SNAP29: variants seen among roughly 807,000 people sequenced by gnomAD.
SNAP29 encodes synaptosomal-associated protein 29.
In SNAP29, 13 loss-of-function variants were observed where a neutral mutation model predicts 27.9. The observed-to-expected ratio is 0.47, with a 90% CI of 0.30 to 0.74. The LOEUF is 0.74. SNAP29 is among the 30% of genes least tolerant of loss of function. SNAP29 has a pLI of 0.06. For synonymous variants in SNAP29, 119 were observed against 127.1 expected, an observed-to-expected ratio of 0.94 and a Z score of 0.43; for missense variants, 368 against 336.5, an observed-to-expected ratio of 1.09 and a Z score of -0.73.
intron 4 of SNAP29, among the ~76,000 whole-genome samples, chr22:20,884,204 G>C (rs1465223379): frequency 6.6e-6 from 1 of 152,078 alleles, no homozygotes; most frequent in East Asian, 1.9e-4. Context: ...GTGGTGGCAG[G>C]CGCCTGTAAT....
At chr22:20,867,768 G>A (rs531316727) in intron 1 of SNAP29, among the ~76,000 whole-genome samples, 2 of 152,340 alleles carry the variant, frequency 1.3e-5, no homozygotes, top group Admixed American at 6.5e-5. Context: ...CAGACTCTGG[G>A]AGTTTGAGAG....
At position 20,871,482 on chromosome 22, in the gene SNAP29, T is replaced by TAAAAAAAAA. The variant is rs58294079; in HGVS notation, c.434+964_434+972dup. Among the ~76,000 whole-genome samples, 177 of 64,124 alleles carry TAAAAAAAAA rather than the reference T, an allele frequency of 2.8e-3. 5 individuals carry two copies. The highest frequency in any genetic ancestry group is 8.3e-3 in the African/African-American group (132 of 15,926). The allele number at this position is 64,124 out of a possible 152,430, so 42.1% of individuals were successfully genotyped here. On this transcript the variant is annotated intron_variant, in intron 2 of 4. Transcript: ENST00000215730. ...ATCAGTGACAGAGTCTCCCTGTCTCTAAAAAAAAAAAAAAAAAAAAAAAGA... is the reference window on the plus strand; with the variant it reads ...ATCAGTGACAGAGTCTCCCTGTCTCTAAAAAAAAAAAAAAAAAAAAAAAAAAAAAAAAGA...
intron 1 of SNAP29, among the ~76,000 whole-genome samples, chr22:20,869,859 C>T (rs937800104): frequency 6.6e-6 from 1 of 152,046 alleles, no homozygotes; most frequent in Non-Finnish European, 1.5e-5. Flanking sequence ...CAACCTCTGC[C>T]TTCAGGGTTG....
At chr22:20,872,515 C>T (rs1324613673) in intron 2 of SNAP29, among the ~76,000 whole-genome samples, 1 of 152,286 alleles carries the variant, frequency 6.6e-6, no homozygotes, top group Admixed American at 6.5e-5. Flanking sequence ...GTTCTCCTGC[C>T]TCAGCCTCCC....
intron 1 of SNAP29, among the ~76,000 whole-genome samples, chr22:20,864,488 G>A (rs1928411576): frequency 1.3e-5 from 2 of 152,056 alleles, no homozygotes; most frequent in African/African-American, 4.8e-5. Flanking sequence ...TTGCCAAAAG[G>A]TGATATCCTC....
In SNAP29 at chr22:20,874,690, G is replaced by GT. The variant is rs546510486; in HGVS notation, c.434+4164dup. Among the ~76,000 whole-genome samples, 16 of 151,948 alleles carry GT rather than the reference G, an allele frequency of 1.1e-4. No individual in the cohort carries two copies. The South Asian group carries it at 2.9e-3, about 28-fold the overall frequency. ...TAGCTAAGGTTATGAGGGTTGGTTGGTTTTTTTGGCTCAGCCATAATCACC... is the reference window on the plus strand; with the variant it reads ...TAGCTAAGGTTATGAGGGTTGGTTGGTTTTTTTTGGCTCAGCCATAATCACC... On this transcript the variant is annotated intron_variant, in intron 2 of 4. Transcript: ENST00000215730.
chr22:20,873,235 T>G (rs1453822474), intron 2 of SNAP29, among the ~76,000 whole-genome samples: 1 of 152,060 alleles, frequency 6.6e-6, no homozygotes, highest in African/African-American at 2.4e-5. Flanking sequence ...GGTCTTGAAC[T>G]CCTGGCCTCA....
Position 20,890,797 on chromosome 22 carries a change from T to C in SNAP29, c.*2961T>C, listed in dbSNP as rs165715. ...AAAAAAAAATAGTGCACTCTCTGGC[T>C]GGTCACGGTGGCTCACGCCTGTAAT... On this transcript the variant is annotated 3_prime_UTR_variant, in exon 5 of 5. Transcript: ENST00000215730. 0.39 allele frequency: 56,506 copies of C among 146,688 alleles called. 11,299 individuals are homozygous for C. Among genetic ancestry groups the C allele is most frequent in the East Asian group, 0.48 (2,386 of 4,942 alleles). The allele number at this position is 146,688 out of a possible 1,614,324, so 9.1% of individuals were successfully genotyped here. A position where few individuals can be genotyped will look rare whatever the true frequency, so the allele number is the denominator to read the frequency against.
In SNAP29 at chr22:20,881,019, G is replaced by A. The variant is rs776999528; in HGVS notation, c.435-30G>A. ...TCATAGGGGTTTTTCCTTTTTAAACGTTTTCTTTTTTGTGAACTTTTATCC... is the reference window on the plus strand; with the variant it reads ...TCATAGGGGTTTTTCCTTTTTAAACATTTTCTTTTTTGTGAACTTTTATCC... On this transcript the variant is annotated intron_variant, in intron 2 of 4. Coordinates refer to ENST00000215730, the MANE Select transcript of SNAP29 (RefSeq NM_004782.4). The A allele has an allele frequency of 3.6e-5, 53 of 1,455,446 alleles. 4 individuals are homozygous for A. The Middle Eastern group carries it at 6.4e-3, about 175-fold the overall frequency. The allele number at this position is 1,455,446 out of a possible 1,614,324, so 90.2% of individuals were successfully genotyped here.
At position 20,890,423 on chromosome 22, in the gene SNAP29, T is replaced by A; in HGVS notation, c.*2587T>A. On this transcript the variant is annotated 3_prime_UTR_variant, in exon 5 of 5. Coordinates refer to ENST00000215730, the MANE Select transcript of SNAP29 (RefSeq NM_004782.4). ...AAACTGTGCCTTCAAAAAATGACTTTTCTAACTTAAGGTTGGTTATATGTT... is the reference window on the plus strand; with the variant it reads ...AAACTGTGCCTTCAAAAAATGACTTATCTAACTTAAGGTTGGTTATATGTT... The A allele has an allele frequency of 2.5e-6, 1 of 398,554 alleles. No homozygotes were observed. Among genetic ancestry groups the A allele is most frequent in the Admixed American group, 4.4e-5 (1 of 22,720 alleles). The allele number at this position is 398,554 out of a possible 1,614,324, so 24.7% of individuals were successfully genotyped here.
rs1344275689 is a variant in SNAP29 at position 20,870,490 on chromosome 22, C to T, written c.391C>T (p.Pro131Ser). The change falls in exon 2 of 5, where the codon CCA becomes TCA. Residue 131 changes from proline to serine, a missense_variant. Physicochemically the swap from Pro to Ser is moderately conservative, Grantham distance 74 (BLOSUM62 -1). Transcript: ENST00000215730. ...CTTCAAATCCAAACCAGTAGAGACCCCACCTGAACAGAATGGCACCCTCAC... is the reference window on the plus strand; with the variant it reads ...CTTCAAATCCAAACCAGTAGAGACCTCACCTGAACAGAATGGCACCCTCAC... ...NYFKSKPVET[P>S]PEQNGTLTSQ... is the part of the protein sequence containing the mutation. 4 of 1,614,168 alleles carry T rather than the reference C, an allele frequency of 2.5e-6. No homozygotes were observed. Among genetic ancestry groups the T allele is most frequent in the Non-Finnish European group, 3.4e-6 (4 of 1,180,020 alleles).
chr22:20,861,037 T>C (rs1601643227), intron 1 of SNAP29, among the ~76,000 whole-genome samples: 2 of 151,968 alleles, frequency 1.3e-5, no homozygotes, highest in South Asian at 2.1e-4. Context: ...ACGCTATCAT[T>C]TCCCCTTGCT....
chr22:20,886,735 C>G (rs1364630843), intron 4 of SNAP29, among the ~76,000 whole-genome samples: 1 of 152,066 alleles, frequency 6.6e-6, no homozygotes, highest in Non-Finnish European at 1.5e-5. Flanking sequence ...CCTCAGCCTC[C>G]CGAGTAGCAG....
intron 1 of SNAP29, among the ~76,000 whole-genome samples, chr22:20,867,369 G>C (rs781705474): frequency 9.9e-5 from 15 of 152,062 alleles, no homozygotes; most frequent in Admixed American, 2.6e-4. Context: ...ACCTGGAGCG[G>C]TTGAGGCCTG....
At chr22:20,879,663 T>A (rs532120710) in intron 2 of SNAP29, among the ~76,000 whole-genome samples, 1 of 151,574 alleles carries the variant, frequency 6.6e-6, no homozygotes, top group East Asian at 1.9e-4. Flanking sequence ...CTGCCCAACA[T>A]GGTGAAACTC....
Position 20,889,642 on chromosome 22 carries a change from T to G in SNAP29, c.*1806T>G, listed in dbSNP as rs1459414914. Reference sequence around the variant, plus strand: ...GCATGAACCCGGGATGCAGAGCAGCTTTTGTGCACGGTTCCACTTACTGTA... The same window carrying G: ...GCATGAACCCGGGATGCAGAGCAGCGTTTGTGCACGGTTCCACTTACTGTA... On this transcript the variant is annotated 3_prime_UTR_variant, in exon 5 of 5. Coordinates refer to ENST00000215730, the MANE Select transcript of SNAP29 (RefSeq NM_004782.4). 1 of 152,234 alleles carries G rather than the reference T, an allele frequency of 6.6e-6. No individual in the cohort carries two copies. The highest frequency in any genetic ancestry group is 2.4e-5 in the African/African-American group (1 of 41,468). The allele number at this position is 152,234 out of a possible 1,614,324, so 9.4% of individuals were successfully genotyped here. A position where few individuals can be genotyped will look rare whatever the true frequency, so the allele number is the denominator to read the frequency against.
At chr22:20,870,842 A>T in intron 2 of SNAP29, 1 of 419,086 alleles carries the variant, frequency 2.4e-6, no homozygotes. Context: ...TTTTTGCTTT[A>T]AAAAATCTTT....
At chr22:20,867,057 A>T (rs1928477128) in intron 1 of SNAP29, among the ~76,000 whole-genome samples, 1 of 152,166 alleles carries the variant, frequency 6.6e-6, no homozygotes, top group Non-Finnish European at 1.5e-5. Flanking sequence ...CTGAGATTGA[A>T]CCTCACTCAT....
chr22:20,871,638 T>C (rs959721933), intron 2 of SNAP29, among the ~76,000 whole-genome samples: 12 of 152,112 alleles, frequency 7.9e-5, no homozygotes, highest in African/African-American at 2.9e-4. Flanking sequence ...ATCCTAGCAC[T>C]TGGGGAGGCC....
Sources: gnomAD v4.1 joint callset for allele counts (sites outside exome capture counted in the v4.1 genomes callset) on GRCh38, gnomAD v4.1.1 for gene constraint, MANE v1.5 for transcripts, NCBI Gene and HGNC (gene_info 2026-07-23, HGNC 2026-07-21) for gene names.